TENM1: variants seen among roughly 807,000 people sequenced by gnomAD.
TENM1 encodes teneurin transmembrane protein 1.
In TENM1, 35 loss-of-function variants were observed where a neutral mutation model predicts 174.8. The ratio of observed to expected loss-of-function variants is 0.20; its 90% CI spans 0.15 to 0.27. The LOEUF (loss-of-function observed/expected upper bound fraction) is 0.27, where lower values mean the gene tolerates loss of function less well. Among genes scored for constraint, TENM1 ranks in the 10% least tolerant of loss-of-function variants. The pLI is 1.00. For missense variants in TENM1, 1,633 were observed against 2,130.1 expected (o/e 0.77, Z 4.59); for synonymous variants, 781 against 798.7 (o/e 0.98, Z 0.37).
intron 3 of TENM1, among the ~76,000 whole-genome samples, chrX:124,766,308 C>G (rs1193747339): frequency 9.0e-6 from 1 of 111,566 alleles, no homozygotes; most frequent in African/African-American, 3.3e-5. Flanking sequence ...TTCCAAATGT[C>G]TGGCTATGAT....
At chrX:125,135,202 A>G in the TENM1 span, among the ~76,000 whole-genome samples, 4 of 111,824 alleles carry the variant, frequency 3.6e-5, no homozygotes, top group East Asian at 1.1e-3. Flanking sequence ...TTTCATCCTT[A>G]ACACAACTTT....
intron 3 of TENM1, among the ~76,000 whole-genome samples, chrX:124,876,281 TCTC>T: frequency 9.0e-6 from 1 of 111,639 alleles, no homozygotes; most frequent in Non-Finnish European, 1.9e-5. Flanking sequence ...CTTTTGAAAA[TCTC>T]CGCCGTTTTT....
chrX:124,521,136 A>C (rs1188538144), intron 17 of TENM1, among the ~76,000 whole-genome samples: 1 of 111,757 alleles, frequency 8.9e-6, no homozygotes, highest in Non-Finnish European at 1.9e-5. Flanking sequence ...GCAATTCAGC[A>C]CTATGGGCTC....
chrX:124,601,656 T>G (rs1468868085), intron 11 of TENM1, among the ~76,000 whole-genome samples: 1 of 110,560 alleles, frequency 9.0e-6, no homozygotes, highest in African/African-American at 3.3e-5. Context: ...ACATCCCAAG[T>G]GAGGTTGGTG....
chrX:124,397,328 GTTT>G (rs1361051209), intron 27 of TENM1, among the ~76,000 whole-genome samples: 1 of 111,698 alleles, frequency 9.0e-6, no homozygotes, highest in Non-Finnish European at 1.9e-5. Flanking sequence ...ATATTTAGCT[GTTT>G]TTGACCTACA....
chrX:124,640,948 G>A (rs749605046), intron 11 of TENM1, among the ~76,000 whole-genome samples: 1,321 of 70,288 alleles, frequency 0.019, 12 homozygotes, highest in African/African-American at 0.037. Flanking sequence ...GCGACAGAGC[G>A]AGAATCCATC....
chrX:125,069,916 T>C, the TENM1 span, among the ~76,000 whole-genome samples: 2 of 111,354 alleles, frequency 1.8e-5, no homozygotes, highest in Non-Finnish European at 3.8e-5. Flanking sequence ...ATTGTTTTTT[T>C]ACTTTTTAGT....
At chrX:125,090,630 G>T in the TENM1 span, among the ~76,000 whole-genome samples, 1 of 111,628 alleles carries the variant, frequency 9.0e-6, no homozygotes, top group East Asian at 2.8e-4. Context: ...ACTCCAGGCT[G>T]GGTGACAGAG....
At chrX:124,440,106 A>G (rs1031278598) in intron 23 of TENM1, among the ~76,000 whole-genome samples, 12 of 112,098 alleles carry the variant, frequency 1.1e-4, no homozygotes, top group Admixed American at 8.5e-4. Flanking sequence ...AAAGGATTAG[A>G]GAAAGGTTTG....
chrX:124,561,750 C>T lies in TENM1; in HGVS notation c.2355G>A (p.Val785=), dbSNP rs773421737. The T allele has an allele frequency of 3.3e-6, 4 of 1,209,373 alleles. No individual in the cohort carries two copies. The East Asian group carries it at 1.2e-4, about 36-fold the overall frequency. ...CTGTCCCACTCCAACCCACCTGACACACACAGTGCCAACCATTTTGATCCA... is the reference window on the plus strand; with the variant it reads ...CTGTCCCACTCCAACCCACCTGACATACACAGTGCCAACCATTTTGATCCA... The change falls in exon 14 of 32, where the codon GTG becomes GTA. Residue 785 remains valine (V), a synonymous_variant. Transcript: ENST00000422452.
intron 3 of TENM1, among the ~76,000 whole-genome samples, chrX:124,785,087 T>A (rs1049089991): frequency 2.0e-4 from 22 of 111,486 alleles, no homozygotes; most frequent in Admixed American, 6.7e-4. Context: ...AATATGGACA[T>A]GAAAGTCCTC....
At chrX:125,062,443 C>T in the TENM1 span, among the ~76,000 whole-genome samples, 1 of 111,485 alleles carries the variant, frequency 9.0e-6, no homozygotes, top group Admixed American at 9.6e-5. Context: ...TAATACAACT[C>T]ATAAAAGATG....
chrX:125,129,720 AT>A, the TENM1 span, among the ~76,000 whole-genome samples: 2 of 110,979 alleles, frequency 1.8e-5, no homozygotes, highest in Admixed American at 9.7e-5. Context: ...TGCCTGGCTT[AT>A]TTCACTAAGC....
chrX:125,020,405 A>G, the TENM1 span, among the ~76,000 whole-genome samples: 147 of 110,308 alleles, frequency 1.3e-3, 1 homozygote, highest in Admixed American at 4.4e-3. Flanking sequence ...AACCTATATA[A>G]TTATAGGATA....
chrX:125,027,574 T>C, the TENM1 span, among the ~76,000 whole-genome samples: 1 of 109,432 alleles, frequency 9.1e-6, no homozygotes, highest in South Asian at 3.9e-4. Flanking sequence ...ATTATGAGGA[T>C]CATAACCATA....
At chrX:124,601,382 A>G (rs772381232) in intron 11 of TENM1, among the ~76,000 whole-genome samples, 14 of 111,038 alleles carry the variant, frequency 1.3e-4, no homozygotes, top group South Asian at 1.1e-3. Context: ...GACCTTTCAC[A>G]GGACTCTTCG....
chrX:124,737,403 G>A (rs910296629), intron 3 of TENM1, among the ~76,000 whole-genome samples: 2 of 111,791 alleles, frequency 1.8e-5, no homozygotes, highest in Non-Finnish European at 3.8e-5. Flanking sequence ...AACATTCACA[G>A]TTGCATTTAC....
the TENM1 span, among the ~76,000 whole-genome samples, chrX:125,033,408 A>G: frequency 9.0e-6 from 1 of 111,724 alleles, no homozygotes; most frequent in Non-Finnish European, 1.9e-5. Context: ...CAAAAACTCA[A>G]TGAGTACTAT....
At chrX:124,480,442 A>C (rs1457960375) in intron 22 of TENM1, among the ~76,000 whole-genome samples, 1 of 112,292 alleles carries the variant, frequency 8.9e-6, no homozygotes, top group Non-Finnish European at 1.9e-5. Flanking sequence ...TAAAGTAATA[A>C]GTGACCATCT....
Sources: gnomAD v4.1 joint callset for allele counts (sites outside exome capture counted in the v4.1 genomes callset) on GRCh38, gnomAD v4.1.1 for gene constraint, MANE v1.5 for transcripts, NCBI Gene and HGNC (gene_info 2026-07-23, HGNC 2026-07-21) for gene names.